TAOK3: variants seen among roughly 807,000 people sequenced by gnomAD.
The protein encoded by TAOK3 is serine/threonine-protein kinase TAO3.
A neutral mutation model predicts 120.4 loss-of-function variants in TAOK3; 40 were observed. The observed-to-expected ratio is 0.33, with a 90% CI of 0.26 to 0.43. TAOK3 has a LOEUF of 0.43. Ranked by LOEUF, TAOK3 falls within the 20% of genes least tolerant of loss-of-function variation. The probability of loss-of-function intolerance (pLI) is 1.00; values close to 1 mark genes in which losing one functional copy is unlikely to be tolerated. For synonymous variants in TAOK3, 355 were observed against 387.5 expected, an observed-to-expected ratio of 0.92 and a Z score of 0.99; for missense variants, 821 against 1,112.1, an observed-to-expected ratio of 0.74 and a Z score of 3.72.
At chr12:118,260,838 A>G (rs557877700) in intron 2 of TAOK3, among the ~76,000 whole-genome samples, 2 of 152,196 alleles carry the variant, frequency 1.3e-5, no homozygotes, top group East Asian at 3.9e-4. Flanking sequence ...GCGCCACCAC[A>G]TCCAGCTAAT....
At chr12:118,347,053 C>T (rs1315823481) in intron 1 of TAOK3, among the ~76,000 whole-genome samples, 3 of 152,082 alleles carry the variant, frequency 2.0e-5, no homozygotes, top group Non-Finnish European at 4.4e-5. Flanking sequence ...GGCTAGAGTG[C>T]GGTGGCACGA....
intron 2 of TAOK3, among the ~76,000 whole-genome samples, chr12:118,257,751 C>T (rs2041052807): frequency 6.6e-6 from 1 of 152,158 alleles, no homozygotes. Flanking sequence ...TGACAACATA[C>T]ATTACTTCAT....
At chr12:118,244,778 T>G (rs1157285620) in intron 4 of TAOK3, 116 bp downstream of exon 4, 1 of 667,950 alleles carries the variant, frequency 1.5e-6, no homozygotes, top group African/African-American at 1.8e-5. Flanking sequence ...GCCGCCCACC[T>G]CGGCCTCGCA....
intron 1 of TAOK3, among the ~76,000 whole-genome samples, chr12:118,283,428 T>C (rs1415547479): frequency 1.3e-5 from 2 of 152,136 alleles, no homozygotes; most frequent in African/African-American, 2.4e-5. Flanking sequence ...TTTTGATTGT[T>C]CTGTAAAGAA....
chr12:118,237,759 G>A (rs910635979), intron 7 of TAOK3, among the ~76,000 whole-genome samples: 1 of 152,116 alleles, frequency 6.6e-6, no homozygotes, highest in Admixed American at 6.6e-5. Context: ...TGCAAGGAAG[G>A]TTAATTTTCT....
intron 1 of TAOK3, among the ~76,000 whole-genome samples, chr12:118,311,983 T>C (rs912294180): frequency 5.3e-5 from 8 of 152,060 alleles, no homozygotes; most frequent in Admixed American, 6.6e-5. Context: ...GAACTGGCAA[T>C]GGTGGAGACG....
chr12:118,239,816 G>C (rs558666994), intron 5 of TAOK3, among the ~76,000 whole-genome samples: 1 of 152,122 alleles, frequency 6.6e-6, no homozygotes, highest in Non-Finnish European at 1.5e-5. Flanking sequence ...GAATCCCTGA[G>C]ATATATGTGT....
Position 118,197,377 on chromosome 12 carries a change from A to T in TAOK3, c.1194+1674T>A, listed in dbSNP as rs1401636675. On this transcript the variant is annotated intron_variant, in intron 13 of 20. Coordinates refer to ENST00000392533, the MANE Select transcript of TAOK3 (RefSeq NM_016281.4). ...ATCTGTTCTACTTAAGTCATCACAC[A>T]TCAGGGAGAGAAAAGTATTGAAACA... is the stretch of plus-strand genomic sequence containing the variant. 3.9e-5 allele frequency among the ~76,000 whole-genome samples: 6 copies of T among 152,218 alleles called. No individual in the cohort carries two copies. The East Asian group carries it at 1.2e-3, about 29-fold the overall frequency.
At position 118,246,664 on chromosome 12, in the gene TAOK3, G is replaced by A. The variant is rs1310407770; in HGVS notation, c.121-1699C>T. The A allele has an allele frequency of 3.1e-5, 48 of 1,568,734 alleles. 1 individual carries two copies. The East Asian group carries it at 1.1e-3, about 35-fold the overall frequency. On this transcript the variant is annotated intron_variant, in intron 3 of 20. Coordinates refer to ENST00000392533, the MANE Select transcript of TAOK3 (RefSeq NM_016281.4). ...GGCCGCTGCGGCTCTGTGCTGGTGC[G>A]CCTCATCCCTGCACCCAGGGGCACT...
Position 118,150,980 on chromosome 12 carries a change from TGGCAAAAA to T in TAOK3, c.*9_*16del. 7.0e-7 allele frequency: 1 copy of T among 1,429,818 alleles called. No individual in the cohort carries two copies. 88.6% of individuals were successfully genotyped at this position (1,429,818 alleles called of 1,614,324 possible). A position where few individuals can be genotyped will look rare whatever the true frequency, so the allele number is the denominator to read the frequency against. On this transcript the variant is annotated 3_prime_UTR_variant, in exon 21 of 21. Coordinates refer to ENST00000392533, the MANE Select transcript of TAOK3 (RefSeq NM_016281.4). The stretch of plus-strand genomic sequence containing the variant: ...TCTTTTTTTTTTTTTTTTTTGTAAA[TGGCAAAAA>T]ATTTAATCTCATCTGTAGTCCTCCT...
intron 17 of TAOK3, among the ~76,000 whole-genome samples, chr12:118,167,671 T>TTTTTTTTTTTTCC (rs2035691393): frequency 9.0e-6 from 1 of 111,658 alleles, no homozygotes; most frequent in Non-Finnish European, 2.1e-5. Context: ...TATAGGCTCT[T>TTTTTTTTTTTTCC]TTTTTTTTTT....
intron 9 of TAOK3, among the ~76,000 whole-genome samples, chr12:118,218,232 G>A (rs2039038609): frequency 6.6e-6 from 1 of 151,906 alleles, no homozygotes; most frequent in Non-Finnish European, 1.5e-5. Context: ...CTGTGTGGTC[G>A]AATGGATTTA....
chr12:118,189,575 C>CACAA (rs1822498208), intron 14 of TAOK3, among the ~76,000 whole-genome samples: 2 of 26,448 alleles, frequency 7.6e-5, no homozygotes, highest in African/African-American at 2.4e-4. Context: ...CACACACACA[C>CACAA]ACAAAGGTTT....
intron 11 of TAOK3, among the ~76,000 whole-genome samples, chr12:118,202,562 C>T (rs757169786): frequency 4.3e-4 from 66 of 152,170 alleles, no homozygotes; most frequent in Non-Finnish European, 8.4e-4. Context: ...GCCATTCTAA[C>T]AGGTGTGAGG....
At chr12:118,299,197 A>C (rs984666747) in intron 1 of TAOK3, among the ~76,000 whole-genome samples, 10 of 152,220 alleles carry the variant, frequency 6.6e-5, no homozygotes, top group Admixed American at 1.3e-4. Context: ...AAAATGTAGG[A>C]TCCCTCAAAT....
At chr12:118,247,712 A>C (rs1456322524) in intron 3 of TAOK3, among the ~76,000 whole-genome samples, 2 of 152,034 alleles carry the variant, frequency 1.3e-5, no homozygotes, top group African/African-American at 4.8e-5. Context: ...ACAGGGTTTC[A>C]CCATATTGGC....
chr12:118,153,678 T>C lies in TAOK3; in HGVS notation c.2353-1269A>G, dbSNP rs76516224. 3.2e-4 allele frequency among the ~76,000 whole-genome samples: 48 copies of C among 152,312 alleles called. No homozygotes were observed. In the East Asian group the frequency reaches 8.7e-3, roughly 28 times the overall value. ...ACAGTTTGGCTGAGAACTATGAGAT[T>C]AGAACCCTTGAATCAGTCCATTTAC... On this transcript the variant is annotated intron_variant, in intron 19 of 20. Transcript: ENST00000392533.
At chr12:118,220,544 A>G (rs531453393) in intron 9 of TAOK3, among the ~76,000 whole-genome samples, 1 of 152,268 alleles carries the variant, frequency 6.6e-6, no homozygotes, top group Admixed American at 6.5e-5. Context: ...AAAGGTTAAA[A>G]AAAAACAATC....
At chr12:118,163,752 A>G (rs1476496962) in intron 17 of TAOK3, among the ~76,000 whole-genome samples, 8 of 152,134 alleles carry the variant, frequency 5.3e-5, no homozygotes. Flanking sequence ...CTTGTTGCCC[A>G]GTGCAATGGA....
Sources: gnomAD v4.1 joint callset for allele counts (sites outside exome capture counted in the v4.1 genomes callset) on GRCh38, gnomAD v4.1.1 for gene constraint, MANE v1.5 for transcripts, NCBI Gene and HGNC (gene_info 2026-07-23, HGNC 2026-07-21) for gene names.